The following HMGCLL1 variants were observed in gnomAD, a reference collection of about 807,000 sequenced individuals.
HMGCLL1 encodes the protein 3-hydroxy-3-methylglutaryl-CoA lyase like 1, also known as 3-hydroxymethyl-3-methylglutaryl-CoA lyase, cytoplasmic.
HMGCLL1 carries 36 observed loss-of-function variants against 39.1 expected under a neutral mutation model. The ratio of observed to expected loss-of-function variants is 0.92; its 90% confidence interval spans 0.71 to 1.22. HMGCLL1 has a LOEUF of 1.22. HMGCLL1 is among the 50% of genes most tolerant of loss of function. The pLI, the probability that HMGCLL1 is intolerant of heterozygous loss-of-function variation, is 0.00. For missense variants in HMGCLL1, 451 were observed against 416.5 expected (o/e 1.08, Z -0.72); for synonymous variants, 149 against 144.0 (o/e 1.03, Z -0.25).
At chr6:55,659,657 G>A in the HMGCLL1 span, among the ~76,000 whole-genome samples, 1 of 151,798 alleles carries the variant, frequency 6.6e-6, no homozygotes, top group Non-Finnish European at 1.5e-5. Context: ...TTAATTATAT[G>A]TTTAAAATTC....
At chr6:55,589,353 CG>C in the HMGCLL1 span, among the ~76,000 whole-genome samples, 17 of 152,200 alleles carry the variant, frequency 1.1e-4, no homozygotes, top group South Asian at 2.1e-4. Context: ...AATTCAACAA[CG>C]CTTCATGCTA....
chr6:55,570,380 G>T (rs953156386), intron 1 of HMGCLL1, among the ~76,000 whole-genome samples: 1 of 152,176 alleles, frequency 6.6e-6, no homozygotes, highest in Admixed American at 6.5e-5. Context: ...CTCTCAAGGA[G>T]AGCCTGCTTA....
chr6:55,646,570 C>T, the HMGCLL1 span, among the ~76,000 whole-genome samples: 2 of 151,776 alleles, frequency 1.3e-5, no homozygotes, highest in Admixed American at 1.3e-4. Context: ...TGCTCCATCC[C>T]ATAGGTTTAG....
At chr6:55,668,158 T>C in the HMGCLL1 span, among the ~76,000 whole-genome samples, 170 of 151,998 alleles carry the variant, frequency 1.1e-3, 1 homozygote, top group Non-Finnish European at 1.9e-3. Flanking sequence ...CTAAAATGGA[T>C]GTTTGAGTTC....
chr6:55,514,648 T>A (rs568840394), intron 4 of HMGCLL1, among the ~76,000 whole-genome samples: 1 of 152,206 alleles, frequency 6.6e-6, no homozygotes, highest in African/African-American at 2.4e-5. Context: ...TTCCAATTCA[T>A]CATTTAGATT....
the HMGCLL1 span, among the ~76,000 whole-genome samples, chr6:55,617,473 G>A: frequency 6.6e-6 from 1 of 152,100 alleles, no homozygotes; most frequent in Non-Finnish European, 1.5e-5. Flanking sequence ...ACAGCAGGGG[G>A]CAGCAGTATT....
At chr6:55,526,283 C>CT (rs1768317520) in intron 3 of HMGCLL1, among the ~76,000 whole-genome samples, 1 of 151,934 alleles carries the variant, frequency 6.6e-6, no homozygotes, top group African/African-American at 2.4e-5. Context: ...GCCTAAAAAT[C>CT]TTTTTCCCTT....
chr6:55,671,262 T>C, the HMGCLL1 span, among the ~76,000 whole-genome samples: 16 of 151,896 alleles, frequency 1.1e-4, no homozygotes, highest in South Asian at 2.9e-3. Flanking sequence ...GAAAGTTTTC[T>C]CTGACTGGTG....
At chr6:55,520,297 T>C (rs1767974829) in intron 3 of HMGCLL1, among the ~76,000 whole-genome samples, 1 of 148,618 alleles carries the variant, frequency 6.7e-6, no homozygotes, top group South Asian at 2.2e-4. Flanking sequence ...AAAAGGAAAA[T>C]GAACAGGGAT....
At chr6:55,647,798 T>A in the HMGCLL1 span, among the ~76,000 whole-genome samples, 1 of 137,730 alleles carries the variant, frequency 7.3e-6, no homozygotes, top group Non-Finnish European at 1.6e-5. Flanking sequence ...CTCTAAGTTT[T>A]AGGGTACATG....
At chr6:55,471,399 A>G (rs1433286911) in intron 7 of HMGCLL1, among the ~76,000 whole-genome samples, 1 of 151,764 alleles carries the variant, frequency 6.6e-6, no homozygotes, top group Non-Finnish European at 1.5e-5. Flanking sequence ...CTTCTGCTGC[A>G]TACAAGAGAT....
chr6:55,549,604 T>A (rs183222517), intron 1 of HMGCLL1, among the ~76,000 whole-genome samples: 1 of 151,884 alleles, frequency 6.6e-6, no homozygotes, highest in East Asian at 1.9e-4. Context: ...TTAAAATGCA[T>A]AAATTGTCAG....
chr6:55,570,800 G>A (rs1183060761), intron 1 of HMGCLL1, among the ~76,000 whole-genome samples: 3 of 152,084 alleles, frequency 2.0e-5, no homozygotes, highest in East Asian at 1.9e-4. Context: ...CCATGTTCAC[G>A]CTGCTGATAA....
rs773061674 is a variant in HMGCLL1 at position 55,435,320 on chromosome 6, T to C, written c.*342A>G. 1.1e-5 allele frequency: 2 copies of C among 179,408 alleles called. No individual in the cohort carries two copies. Among genetic ancestry groups the C allele is most frequent in the Non-Finnish European group, 2.4e-5 (2 of 83,212 alleles). The allele number at this position is 179,408 out of a possible 1,614,324, so 11.1% of individuals were successfully genotyped here. ...ATATGTACACAGTGTTAAGCCTGCT[T>C]GATTAAGTATTAACACAGTATTTGA... On this transcript the variant is annotated 3_prime_UTR_variant, in exon 9 of 9. Transcript: ENST00000274901.
chr6:55,563,614 A>G (rs1354923860), intron 1 of HMGCLL1, among the ~76,000 whole-genome samples: 1 of 152,162 alleles, frequency 6.6e-6, no homozygotes, highest in Non-Finnish European at 1.5e-5. Context: ...GATTAATAGT[A>G]AATGTTTCCA....
At chr6:55,505,454 A>C (rs1767105769) in intron 5 of HMGCLL1, among the ~76,000 whole-genome samples, 1 of 151,680 alleles carries the variant, frequency 6.6e-6, no homozygotes, top group Admixed American at 6.6e-5. Flanking sequence ...TAAGCAACAC[A>C]AAATAACATG....
At chr6:55,510,900 T>C (rs1020690942) in intron 5 of HMGCLL1, among the ~76,000 whole-genome samples, 5 of 151,670 alleles carry the variant, frequency 3.3e-5, no homozygotes, top group Non-Finnish European at 5.9e-5. Context: ...TTACTAAGAA[T>C]TTCCTTTTTA....
chr6:55,533,658 G>A (rs939493219), intron 3 of HMGCLL1, among the ~76,000 whole-genome samples: 1 of 151,644 alleles, frequency 6.6e-6, no homozygotes, highest in African/African-American at 2.4e-5. Flanking sequence ...AGGCCGAGGC[G>A]GGCGGATCAC....
intron 7 of HMGCLL1, among the ~76,000 whole-genome samples, chr6:55,476,758 C>A (rs540807071): frequency 5.5e-4 from 84 of 151,508 alleles, no homozygotes; most frequent in African/African-American, 2.0e-3. Flanking sequence ...ACTAAATTCC[C>A]TTTGAAATAT....
Sources: allele counts gnomAD v4.1 joint callset (sites outside exome capture counted in the v4.1 genomes callset), GRCh38; gene constraint gnomAD v4.1.1; transcripts MANE v1.5; gene names NCBI Gene and HGNC (gene_info 2026-07-23, HGNC 2026-07-21).